The following TBC1D22A variants were observed in gnomAD, a reference collection of about 807,000 sequenced individuals.
The protein encoded by TBC1D22A is TBC1 domain family member 22A, also known as putative GTPase activator.
In TBC1D22A, 38 loss-of-function variants were observed where a neutral mutation model predicts 60.2. That is an observed-to-expected ratio of 0.63 (90% CI 0.49 to 0.83). TBC1D22A has a LOEUF of 0.83. TBC1D22A is among the 40% of genes least tolerant of loss of function. TBC1D22A has a pLI of 0.00. For synonymous variants in TBC1D22A, 302 were observed against 281.7 expected, an observed-to-expected ratio of 1.07 and a Z score of -0.72; for missense variants, 628 against 701.0, an observed-to-expected ratio of 0.90 and a Z score of 1.18.
At chr22:47,061,584 G>A (rs754556592) in intron 11 of TBC1D22A, among the ~76,000 whole-genome samples, 6 of 152,074 alleles carry the variant, frequency 3.9e-5, no homozygotes, top group African/African-American at 7.2e-5. Context: ...TATTTGCAGC[G>A]TTTTGTTTTG....
At chr22:47,149,212 T>C (rs2067403754) in intron 12 of TBC1D22A, among the ~76,000 whole-genome samples, 1 of 152,064 alleles carries the variant, frequency 6.6e-6, no homozygotes, top group African/African-American at 2.4e-5. Context: ...CCGTGACATG[T>C]CGTGGTTGGG....
At chr22:46,896,232 G>A (rs2068671911) in intron 7 of TBC1D22A, among the ~76,000 whole-genome samples, 2 of 151,936 alleles carry the variant, frequency 1.3e-5, no homozygotes, top group African/African-American at 2.4e-5. Context: ...TCCTTTATTA[G>A]TTGTTGATCT....
intron 12 of TBC1D22A, among the ~76,000 whole-genome samples, chr22:47,160,019 CA>C (rs1194471008): frequency 6.6e-6 from 1 of 152,122 alleles, no homozygotes; most frequent in African/African-American, 2.4e-5. Flanking sequence ...ACCATATACA[CA>C]CATGTGCATC....
chr22:47,026,831 C>G (rs1279063362), intron 10 of TBC1D22A, among the ~76,000 whole-genome samples: 1 of 152,174 alleles, frequency 6.6e-6, no homozygotes, highest in Non-Finnish European at 1.5e-5. Flanking sequence ...ATCATACATT[C>G]TACTCAATTG....
At chr22:46,993,432 A>G (rs1027397966) in intron 9 of TBC1D22A, among the ~76,000 whole-genome samples, 1 of 152,246 alleles carries the variant, frequency 6.6e-6, no homozygotes, top group Non-Finnish European at 1.5e-5. Flanking sequence ...TCAATTGGAA[A>G]GGACATGCAT....
At chr22:47,072,090 C>T (rs2064016910) in intron 11 of TBC1D22A, among the ~76,000 whole-genome samples, 1 of 152,212 alleles carries the variant, frequency 6.6e-6, no homozygotes, top group Admixed American at 6.5e-5. Context: ...CTCTAGCAGC[C>T]CTCCGAGTGT....
intron 12 of TBC1D22A, among the ~76,000 whole-genome samples, chr22:47,173,189 G>T (rs55690775): frequency 6.6e-6 from 1 of 152,326 alleles, no homozygotes; most frequent in Non-Finnish European, 1.5e-5. Flanking sequence ...TTGGAGCTGC[G>T]CAGTGGGCCT....
At chr22:47,049,540 G>A (rs895814942) in intron 11 of TBC1D22A, among the ~76,000 whole-genome samples, 2 of 152,176 alleles carry the variant, frequency 1.3e-5, no homozygotes, top group African/African-American at 2.4e-5. Context: ...GATGAAAGAA[G>A]GAAAACCTCC....
chr22:47,171,021 C>A (rs1468232553), intron 12 of TBC1D22A, among the ~76,000 whole-genome samples: 1 of 152,304 alleles, frequency 6.6e-6, no homozygotes, highest in East Asian at 1.9e-4. Context: ...GCCTCCGGCA[C>A]AGCCAGGATG....
intron 11 of TBC1D22A, among the ~76,000 whole-genome samples, chr22:47,073,666 A>ACCC (rs901589735): frequency 3.7e-4 from 56 of 152,180 alleles, no homozygotes; most frequent in African/African-American, 1.2e-3. Flanking sequence ...TGACAGCCAG[A>ACCC]CCCCAGGGCA....
rs956427343 is a variant in TBC1D22A, at chr22:47,138,774, C to T, written c.1425+27171C>T. On this transcript the variant is annotated intron_variant, in intron 12 of 12. Coordinates refer to ENST00000337137, the MANE Select transcript of TBC1D22A (RefSeq NM_014346.5). ...ATAATCAAGGCACCGGCAGACCCGG[C>T]ATCTGGTGAGGGCCCGCTCCTGGTT... 7.9e-5 allele frequency among the ~76,000 whole-genome samples: 12 copies of T among 152,306 alleles called. 1 individual carries two copies. Among genetic ancestry groups the T allele is most frequent in the African/African-American group, 2.9e-4 (12 of 41,558 alleles).
At chr22:47,132,954 C>T (rs939372715) in intron 12 of TBC1D22A, among the ~76,000 whole-genome samples, 9 of 152,224 alleles carry the variant, frequency 5.9e-5, no homozygotes, top group East Asian at 1.9e-4. Context: ...TTCAGCCTCG[C>T]CGAAGGGCTC....
intron 12 of TBC1D22A, among the ~76,000 whole-genome samples, chr22:47,146,016 T>G (rs1476323832): frequency 6.8e-6 from 1 of 147,342 alleles, no homozygotes; most frequent in African/African-American, 2.6e-5. Flanking sequence ...AAAGCAGGGG[T>G]TGACCAGGAG....
At chr22:46,893,106 C>T (rs2068488436) in intron 6 of TBC1D22A, among the ~76,000 whole-genome samples, 1 of 152,246 alleles carries the variant, frequency 6.6e-6, no homozygotes, top group Admixed American at 6.5e-5. Context: ...CAATGCCACC[C>T]CTGCACACTG....
intron 12 of TBC1D22A, among the ~76,000 whole-genome samples, chr22:47,165,012 T>G (rs1269316086): frequency 6.6e-6 from 1 of 152,112 alleles, no homozygotes; most frequent in Non-Finnish European, 1.5e-5. Flanking sequence ...GAGGGGCCAG[T>G]GAGACCGAGA....
intron 12 of TBC1D22A, among the ~76,000 whole-genome samples, chr22:47,133,406 G>A (rs901985618): frequency 7.2e-5 from 11 of 152,180 alleles, no homozygotes; most frequent in African/African-American, 1.9e-4. Flanking sequence ...GCCACCCTGC[G>A]GAGGCAGCCC....
chr22:46,980,648 G>C (rs1212952348), intron 9 of TBC1D22A, among the ~76,000 whole-genome samples: 3 of 40 alleles, frequency 0.075, no homozygotes, highest in Non-Finnish European at 0.12. Flanking sequence ...CTGAAAATAT[G>C]GGCAGATTAA....
At position 46,898,553 on chromosome 22, in the gene TBC1D22A, C is replaced by T. The variant is rs142919962; in HGVS notation, c.900+3707C>T. On this transcript the variant is annotated intron_variant, in intron 7 of 12. Transcript: ENST00000337137. ...TCTGCATTTTTTTTTTAACCTAAAA[C>T]GACATAGACAAATGGAGCAGAGGGA... Among the ~76,000 whole-genome samples, 70 of 151,720 alleles carry T rather than the reference C, an allele frequency of 4.6e-4. 1 individual carries two copies. In the Middle Eastern group the frequency reaches 0.01, roughly 22 times the overall value.
chr22:47,078,611 G>A (rs1433622046), intron 11 of TBC1D22A, among the ~76,000 whole-genome samples: 1 of 152,242 alleles, frequency 6.6e-6, no homozygotes, highest in Admixed American at 6.5e-5. Context: ...GTGGCGTGTA[G>A]TTGCTATCAG....
Sources: allele counts gnomAD v4.1 joint callset (sites outside exome capture counted in the v4.1 genomes callset), GRCh38; gene constraint gnomAD v4.1.1; transcripts MANE v1.5; gene names NCBI Gene and HGNC (gene_info 2026-07-23, HGNC 2026-07-21).